CSMD3: variants seen among roughly 807,000 people sequenced by gnomAD.
CSMD3 encodes CUB and sushi domain-containing protein 3.
A neutral mutation model predicts 435.2 loss-of-function variants in CSMD3; 177 were observed. That is an observed-to-expected ratio of 0.41 (90% CI 0.36 to 0.46). CSMD3 has a LOEUF of 0.46. CSMD3 is among the 20% of genes least tolerant of loss of function. The pLI is 0.34. For missense variants in CSMD3, 4,265 were observed against 4,504.6 expected (o/e 0.95, Z 1.52); for synonymous variants, 1,656 against 1,520.5 (o/e 1.09, Z -2.07).
intron 1 of CSMD3, among the ~76,000 whole-genome samples, chr8:113,361,659 TA>T (rs1563745485): frequency 6.6e-6 from 1 of 152,014 alleles, no homozygotes; most frequent in African/African-American, 2.4e-5. Context: ...AAAAAATAAT[TA>T]AAAACAAATA....
At chr8:112,867,693 G>T (rs148916548) in intron 10 of CSMD3, among the ~76,000 whole-genome samples, 1 of 151,766 alleles carries the variant, frequency 6.6e-6, no homozygotes, top group South Asian at 2.1e-4. Flanking sequence ...ACAAAGAAAA[G>T]GTAAAAATAT....
intron 10 of CSMD3, among the ~76,000 whole-genome samples, chr8:112,905,321 T>TACACACACAC (rs1554715002): frequency 1.4e-5 from 2 of 145,582 alleles, no homozygotes; most frequent in African/African-American, 5.1e-5. Context: ...TATATATATA[T>TACACACACAC]ACACACACAC....
At chr8:112,448,771 A>ACC (rs1563547696) in intron 32 of CSMD3, among the ~76,000 whole-genome samples, 1 of 149,198 alleles carries the variant, frequency 6.7e-6, no homozygotes, top group Non-Finnish European at 1.5e-5. Flanking sequence ...AAAAAAAAAA[A>ACC]AAAAAAACCA....
At chr8:112,644,163 A>G (rs964896339) in intron 20 of CSMD3, among the ~76,000 whole-genome samples, 2 of 151,802 alleles carry the variant, frequency 1.3e-5, no homozygotes, top group African/African-American at 4.8e-5. Flanking sequence ...CAAGTAAATA[A>G]CTTTAATATA....
chr8:113,414,649 TA>T (rs2094573988), intron 1 of CSMD3, among the ~76,000 whole-genome samples: 1 of 27,946 alleles, frequency 3.6e-5, no homozygotes, highest in Non-Finnish European at 7.7e-5. Context: ...TGTGCCCAAA[TA>T]CAAAAAAAAA....
At chr8:113,136,367 C>T (rs961513042) in intron 4 of CSMD3, among the ~76,000 whole-genome samples, 3 of 151,718 alleles carry the variant, frequency 2.0e-5, no homozygotes, top group South Asian at 4.1e-4. Context: ...ATTTGAACAG[C>T]TAACTTTGGC....
chr8:112,887,602 A>T (rs578121323), intron 10 of CSMD3, among the ~76,000 whole-genome samples: 1 of 151,734 alleles, frequency 6.6e-6, no homozygotes, highest in South Asian at 2.1e-4. Flanking sequence ...AAAGTTTTAC[A>T]AATATGTAAT....
At chr8:113,353,850 C>T (rs1295038133) in intron 1 of CSMD3, among the ~76,000 whole-genome samples, 2 of 152,066 alleles carry the variant, frequency 1.3e-5, no homozygotes, top group African/African-American at 4.8e-5. Flanking sequence ...GGCTGAAGTG[C>T]ATCTTTTAAG....
intron 23 of CSMD3, among the ~76,000 whole-genome samples, chr8:112,582,342 C>T (rs1424418282): frequency 6.6e-6 from 1 of 151,914 alleles, no homozygotes; most frequent in African/African-American, 2.4e-5. Flanking sequence ...GCCTGCAGAA[C>T]TGTGAGCCCA....
chr8:113,399,461 C>T (rs2094499793), intron 1 of CSMD3, among the ~76,000 whole-genome samples: 1 of 151,250 alleles, frequency 6.6e-6, no homozygotes, highest in African/African-American at 2.4e-5. Context: ...TGTTATTTGC[C>T]ACAAGAAGAT....
chr8:112,377,196 TA>T (rs1276692444), intron 38 of CSMD3, among the ~76,000 whole-genome samples: 2 of 151,802 alleles, frequency 1.3e-5, no homozygotes, highest in Non-Finnish European at 2.9e-5. Flanking sequence ...TCACAGAAAT[TA>T]AAAGAATAAG....
chr8:112,472,104 A>G (rs1818576807), intron 32 of CSMD3, among the ~76,000 whole-genome samples: 1 of 152,176 alleles, frequency 6.6e-6, no homozygotes, highest in African/African-American at 2.4e-5. Context: ...CTGTCTTTTT[A>G]TATTTATTGC....
chr8:112,745,677 T>A (rs1406378305), intron 13 of CSMD3, among the ~76,000 whole-genome samples: 1 of 151,844 alleles, frequency 6.6e-6, no homozygotes, highest in Non-Finnish European at 1.5e-5. Context: ...TTCTTTTTTT[T>A]GTTTTTGGAG....
intron 63 of CSMD3, among the ~76,000 whole-genome samples, chr8:112,253,464 G>A (rs563857891): frequency 6.6e-6 from 1 of 151,956 alleles, no homozygotes; most frequent in Non-Finnish European, 1.5e-5. Flanking sequence ...CCCTTTAGAT[G>A]AGCCCTTCCT....
chr8:112,872,198 C>T (rs2511523), intron 10 of CSMD3, among the ~76,000 whole-genome samples: 113,782 of 151,796 alleles, frequency 0.75, 43,441 homozygotes, highest in East Asian at 0.93. Context: ...TAGTTCAGTT[C>T]AATAACATTT....
chr8:112,642,676 T>C (rs2074865552), intron 20 of CSMD3, among the ~76,000 whole-genome samples: 1 of 152,050 alleles, frequency 6.6e-6, no homozygotes, highest in African/African-American at 2.4e-5. Context: ...TCAAAATCAA[T>C]ATGATAAAGC....
intron 1 of CSMD3, among the ~76,000 whole-genome samples, chr8:113,336,979 A>T (rs189266740): frequency 2.1e-3 from 324 of 152,164 alleles, no homozygotes; most frequent in African/African-American, 7.5e-3. Flanking sequence ...TGGAAGCCAC[A>T]TATTTTTCTG....
chr8:112,674,515 TC>T (rs1275210072), intron 16 of CSMD3, among the ~76,000 whole-genome samples: 1 of 152,054 alleles, frequency 6.6e-6, no homozygotes, highest in African/African-American at 2.4e-5. Flanking sequence ...GCCTGTCTGC[TC>T]CCATCCCTGA....
intron 10 of CSMD3, among the ~76,000 whole-genome samples, chr8:112,865,419 A>AT (rs1345644644): frequency 6.6e-6 from 1 of 151,902 alleles, no homozygotes; most frequent in African/African-American, 2.4e-5. Context: ...TCCTTCTTGA[A>AT]TTTTTCCATC....
Sources: allele counts gnomAD v4.1 joint callset (sites outside exome capture counted in the v4.1 genomes callset), GRCh38; gene constraint gnomAD v4.1.1; transcripts MANE v1.5; gene names NCBI Gene and HGNC (gene_info 2026-07-23, HGNC 2026-07-21).